Variants in ZNF710 observed in about 807,000 individuals in gnomAD.
ZNF710 encodes zinc finger protein 710.
A neutral mutation model predicts 50.6 loss-of-function variants in ZNF710; 13 were observed. The observed-to-expected ratio is 0.26, with a 90% CI of 0.17 to 0.41. The LOEUF (loss-of-function observed/expected upper bound fraction) is 0.41. Ranked by LOEUF, ZNF710 falls within the 10% of genes least tolerant of loss-of-function variation. ZNF710 has a pLI of 1.00. For synonymous variants in ZNF710, 383 were observed against 397.0 expected (o/e 0.96, Z 0.42); for missense variants, 721 against 936.6 (o/e 0.77, Z 3.01).
At chr15:90,014,492 C>T (rs1196561065) in intron 1 of ZNF710, among the ~76,000 whole-genome samples, 1 of 129,052 alleles carries the variant, frequency 7.7e-6, no homozygotes, top group African/African-American at 2.9e-5. Context: ...GTCTGGGAAA[C>T]ATAGTGAGAC....
At chr15:90,008,422 G>GTA (rs1567218312) in intron 1 of ZNF710, among the ~76,000 whole-genome samples, 4 of 126,978 alleles carry the variant, frequency 3.2e-5, no homozygotes, top group African/African-American at 1.5e-4. Context: ...GTGTGTGTGT[G>GTA]TGTGTATATA....
intron 1 of ZNF710, among the ~76,000 whole-genome samples, chr15:90,043,823 C>T (rs183341235): frequency 6.6e-6 from 1 of 152,254 alleles, no homozygotes; most frequent in East Asian, 1.9e-4. Flanking sequence ...TCACTTTTGC[C>T]TTTCATTCTG....
At chr15:89,998,455 C>T (rs1263893882), upstream of ZNF710, among the ~76,000 whole-genome samples, 1 of 152,178 alleles carries the variant, frequency 6.6e-6, no homozygotes, top group African/African-American at 2.4e-5. Flanking sequence ...GCCACCTGGC[C>T]ATCTTGATCG....
At chr15:90,079,211 G>C (rs1360196532) in intron 4 of ZNF710, among the ~76,000 whole-genome samples, 1 of 152,232 alleles carries the variant, frequency 6.6e-6, no homozygotes. Flanking sequence ...TGGGGCTGTT[G>C]TGATTGCTGG....
chr15:90,001,886 G>A (rs375669028), intron 1 of ZNF710, among the ~76,000 whole-genome samples: 143 of 142,372 alleles, frequency 1.0e-3, no homozygotes, highest in African/African-American at 3.5e-3. Flanking sequence ...TCTGGGGTGG[G>A]GGGGAGGGAG....
chr15:90,067,045 T>C lies in ZNF710; in HGVS notation c.-28-65T>C. ...AAATCAGCCAAGCCCTTGTCTGTGC[T>C]GTGTCTGTTGTCTGTCTGTGCAGGA... On this transcript the variant is annotated intron_variant, in intron 1 of 4. Transcript: ENST00000268154. This position sits in a 1 kb window ranked among gnomAD's most constrained non-coding sequence, Gnocchi z 8.1. 1.3e-6 allele frequency: 2 copies of C among 1,490,654 alleles called. No homozygotes were observed. The highest frequency in any genetic ancestry group is 1.4e-5 in the South Asian group (1 of 72,072). The allele number at this position is 1,490,654 out of a possible 1,614,324, so 92.3% of individuals were successfully genotyped here.
At chr15:90,000,756 G>A (rs1177628297), upstream of ZNF710, among the ~76,000 whole-genome samples, 1 of 152,144 alleles carries the variant, frequency 6.6e-6, no homozygotes, top group South Asian at 2.1e-4. Flanking sequence ...CGGGCTCGGC[G>A]GCCCTCGCTC....
At chr15:90,022,510 C>A (rs968213564) in intron 1 of ZNF710, among the ~76,000 whole-genome samples, 1 of 152,160 alleles carries the variant, frequency 6.6e-6, no homozygotes, top group Admixed American at 6.5e-5. Context: ...AGGTAGGGAC[C>A]AACTGAGAAT....
rs117738713 is a variant in ZNF710, at chr15:90,053,828, C to T, written c.-28-13282C>T. Among the ~76,000 whole-genome samples the T allele has an allele frequency of 4.6e-3, 698 of 152,210 alleles. 4 individuals are homozygous for T. The highest frequency in any genetic ancestry group is 7.0e-3 in the Non-Finnish European group (474 of 67,978). On this transcript the variant is annotated intron_variant, in intron 1 of 4. Transcript: ENST00000268154. ...GCCCCCCCAACACACACTTCCCACC[C>T]GTGTGTTTTCCTCCTCCCTTCCCTA...
intron 1 of ZNF710, among the ~76,000 whole-genome samples, chr15:90,060,291 G>C (rs1320994054): frequency 6.6e-6 from 1 of 152,242 alleles, no homozygotes; most frequent in Non-Finnish European, 1.5e-5. Flanking sequence ...AGTGGCTTAG[G>C]CCTGTCATCC....
At chr15:90,071,390 C>G (rs561554042) in intron 2 of ZNF710, among the ~76,000 whole-genome samples, 4 of 152,058 alleles carry the variant, frequency 2.6e-5, no homozygotes, top group Non-Finnish European at 4.4e-5. Context: ...ATGTGCACAT[C>G]ATGTGTTTAT....
At chr15:90,019,552 A>G (rs953110362) in intron 1 of ZNF710, among the ~76,000 whole-genome samples, 3 of 152,124 alleles carry the variant, frequency 2.0e-5, no homozygotes, top group Admixed American at 2.0e-4. Context: ...ACTAACTCCC[A>G]TTCTTTTAAA....
intron 1 of ZNF710, among the ~76,000 whole-genome samples, chr15:90,054,391 G>C (rs1399227228): frequency 6.6e-6 from 1 of 152,164 alleles, no homozygotes; most frequent in African/African-American, 2.4e-5. Flanking sequence ...TCCCAGGTGT[G>C]AATTAGGCCC....
intron 1 of ZNF710, among the ~76,000 whole-genome samples, chr15:90,061,136 T>C (rs966267629): frequency 4.0e-5 from 6 of 151,500 alleles, no homozygotes; most frequent in African/African-American, 1.5e-4. Flanking sequence ...TTTTTGTTTG[T>C]TTGCTTGCTT....
chr15:90,071,676 A>ATTTTTTTTTTTTTTTTTTTTTT (rs1900390621), intron 2 of ZNF710, among the ~76,000 whole-genome samples: 1 of 133,732 alleles, frequency 7.5e-6, no homozygotes, highest in African/African-American at 2.8e-5. Context: ...ATTTATTTTT[A>ATTTTTTTTTTTTTTTTTTTTTT]CTCTTTTTTT....
intron 1 of ZNF710, among the ~76,000 whole-genome samples, chr15:90,029,626 T>G (rs932384979): frequency 2.0e-5 from 3 of 152,090 alleles, no homozygotes; most frequent in Non-Finnish European, 4.4e-5. Flanking sequence ...TGTTCTGTTT[T>G]GTTTTTGAGA....
intron 1 of ZNF710, among the ~76,000 whole-genome samples, chr15:90,041,283 T>C (rs56777682): frequency 0.03 from 4,642 of 152,216 alleles, 244 homozygotes; most frequent in African/African-American, 0.11. Flanking sequence ...CTCCAACATC[T>C]GGGCTCAAGT....
chr15:90,059,819 G>C lies in ZNF710; in HGVS notation c.-28-7291G>C, dbSNP rs1899948290. On this transcript the variant is annotated intron_variant, in intron 1 of 4. Transcript: ENST00000268154. This position sits in a 1 kb window ranked among gnomAD's most constrained non-coding sequence, Gnocchi z 4.1. Reference sequence around the variant, plus strand: ...CGAGGAGGACAACAGGGGAAACCAAGAGGCTGGTTTCCTTAGGCGGTGAAA... The same window carrying C: ...CGAGGAGGACAACAGGGGAAACCAACAGGCTGGTTTCCTTAGGCGGTGAAA... 6.6e-6 allele frequency among the ~76,000 whole-genome samples: 1 copy of C among 152,336 alleles called. No individual in the cohort carries two copies. The highest frequency in any genetic ancestry group is 6.5e-5 in the Admixed American group (1 of 15,306).
chr15:90,023,411 A>G (rs1171880119), intron 1 of ZNF710, among the ~76,000 whole-genome samples: 3 of 152,248 alleles, frequency 2.0e-5, no homozygotes, highest in African/African-American at 7.2e-5. Context: ...CACTCTTCCA[A>G]AGAGTGATAG....
Sources: allele counts gnomAD v4.1 joint callset (sites outside exome capture counted in the v4.1 genomes callset), GRCh38; gene constraint gnomAD v4.1.1; non-coding constraint Gnocchi (gnomAD v3.1); transcripts MANE v1.5; gene names NCBI Gene and HGNC (gene_info 2026-07-23, HGNC 2026-07-21).